The following DCDC1 variants were observed in gnomAD, a reference collection of about 807,000 sequenced individuals.
The protein encoded by DCDC1 is doublecortin domain-containing protein 1.
DCDC1 carries 200 observed loss-of-function variants against 178.3 expected under a neutral mutation model. The observed-to-expected ratio is 1.12, with a 90% CI of 1.00 to 1.26. The LOEUF is 1.26. Among genes scored for constraint, DCDC1 ranks in the 50% most tolerant of loss-of-function variants. DCDC1 has a pLI of 0.00. For synonymous variants in DCDC1, 690 were observed against 604.8 expected, an observed-to-expected ratio of 1.14 and a Z score of -2.07; for missense variants, 1,983 against 1,749.2, an observed-to-expected ratio of 1.13 and a Z score of -2.38.
chr11:31,126,077 C>A (rs1961573672), intron 11 of DCDC1, among the ~76,000 whole-genome samples: 2 of 151,940 alleles, frequency 1.3e-5, no homozygotes, highest in South Asian at 2.1e-4. Context: ...TGAGGGAAAA[C>A]AAAACACTTT....
intron 1 of DCDC1, among the ~76,000 whole-genome samples, chr11:31,352,335 C>A (rs930419243): frequency 6.6e-6 from 1 of 152,018 alleles, no homozygotes; most frequent in South Asian, 2.1e-4. Flanking sequence ...AAAGAGAAAT[C>A]GTTTATTTAT....
chr11:31,184,155 T>C (rs1969186599), intron 9 of DCDC1, among the ~76,000 whole-genome samples: 1 of 152,164 alleles, frequency 6.6e-6, no homozygotes, highest in African/African-American at 2.4e-5. Context: ...CATCTGATCT[T>C]TGACAAGCCT....
chr11:31,157,964 A>G (rs1421349568), intron 9 of DCDC1, among the ~76,000 whole-genome samples: 1 of 152,214 alleles, frequency 6.6e-6, no homozygotes, highest in Admixed American at 6.5e-5. Context: ...ATGTTCTGAA[A>G]TATGTACATA....
At chr11:30,898,071 G>A (rs1944373853) in intron 34 of DCDC1, among the ~76,000 whole-genome samples, 1 of 152,128 alleles carries the variant, frequency 6.6e-6, no homozygotes, top group Admixed American at 6.6e-5. Flanking sequence ...AAAGCGCATG[G>A]TATGTCTGGG....
chr11:30,922,836 A>G (rs775300218), intron 23 of DCDC1, among the ~76,000 whole-genome samples, 198 bp from the exon 24 acceptor site: 3 of 152,230 alleles, frequency 2.0e-5, no homozygotes, highest in Non-Finnish European at 4.4e-5. Context: ...ATGAATTTCA[A>G]GAGTTTTGTA....
intron 1 of DCDC1, among the ~76,000 whole-genome samples, chr11:31,348,937 C>A (rs933762906): frequency 1.3e-5 from 2 of 152,112 alleles, no homozygotes; most frequent in African/African-American, 4.8e-5. Context: ...ATATAGTTTA[C>A]TGTGGAATAG....
At chr11:30,986,365 G>A (rs1391441540) in intron 20 of DCDC1, among the ~76,000 whole-genome samples, 8 of 140,658 alleles carry the variant, frequency 5.7e-5, no homozygotes, top group Non-Finnish European at 1.1e-4. Flanking sequence ...ATGGAGTCTC[G>A]CTCTGTCGCC....
chr11:31,334,082 T>C (rs1950149005), intron 2 of DCDC1, among the ~76,000 whole-genome samples: 2 of 152,202 alleles, frequency 1.3e-5, no homozygotes, highest in Admixed American at 6.5e-5. Context: ...CATTTCTTTT[T>C]ACTCTTTTTT....
chr11:30,934,519 G>C (rs144276010), intron 21 of DCDC1, among the ~76,000 whole-genome samples: 2 of 152,122 alleles, frequency 1.3e-5, no homozygotes, highest in African/African-American at 2.4e-5. Context: ...TCTCCCACAG[G>C]CTTACTGAAT....
chr11:31,211,986 G>A (rs918386301), intron 9 of DCDC1, among the ~76,000 whole-genome samples: 3 of 151,846 alleles, frequency 2.0e-5, no homozygotes, highest in African/African-American at 7.3e-5. Flanking sequence ...GGGAGGCTGA[G>A]GCAAGAGAAT....
At chr11:30,902,988 T>C (rs1474471212) in intron 32 of DCDC1, among the ~76,000 whole-genome samples, 8 of 151,976 alleles carry the variant, frequency 5.3e-5, no homozygotes, top group Admixed American at 3.3e-4. Flanking sequence ...TTCTGGGAGA[T>C]AGTAAAAAGT....
At chr11:31,344,264 T>C (rs1308605127) in intron 1 of DCDC1, among the ~76,000 whole-genome samples, 3 of 152,224 alleles carry the variant, frequency 2.0e-5, no homozygotes, top group African/African-American at 7.2e-5. Flanking sequence ...GATAAAGGCA[T>C]TGACTTATGT....
At chr11:31,192,377 T>A (rs1347562885) in intron 9 of DCDC1, among the ~76,000 whole-genome samples, 1 of 152,094 alleles carries the variant, frequency 6.6e-6, no homozygotes, top group Non-Finnish European at 1.5e-5. Context: ...CCTTTCCAAC[T>A]GTGTGTCCCA....
intron 9 of DCDC1, among the ~76,000 whole-genome samples, chr11:31,206,579 A>AT: frequency 6.6e-6 from 1 of 151,970 alleles, no homozygotes; most frequent in Non-Finnish European, 1.5e-5. Context: ...ACGCCCTGCT[A>AT]TTTTTTTGTA....
rs373698375 is a variant in DCDC1, at chr11:31,274,852, C to A, written c.961-9252G>T. 6.6e-5 allele frequency among the ~76,000 whole-genome samples: 10 copies of A among 152,164 alleles called. No homozygotes were observed. In the East Asian group the frequency reaches 1.4e-3, roughly 21 times the overall value. ...AGTAGCTGGGACTAAAGGCACATGCCACCATGCTAAGCTAATTTTTGTATT... is the reference window on the plus strand; with the variant it reads ...AGTAGCTGGGACTAAAGGCACATGCAACCATGCTAAGCTAATTTTTGTATT... On this transcript the variant is annotated intron_variant, in intron 7 of 38. Transcript: ENST00000684477.
At chr11:31,104,887 A>G (rs1958750631) in intron 13 of DCDC1, among the ~76,000 whole-genome samples, 1 of 152,038 alleles carries the variant, frequency 6.6e-6, no homozygotes, top group South Asian at 2.1e-4. Flanking sequence ...ATTTTTTCAA[A>G]TTTCCTTAGA....
intron 20 of DCDC1, among the ~76,000 whole-genome samples, chr11:31,014,476 T>G (rs946560219): frequency 1.3e-5 from 2 of 152,168 alleles, no homozygotes; most frequent in African/African-American, 4.8e-5. Context: ...TACAGCCTCA[T>G]GGAAAACCCT....
At chr11:31,037,782 T>A (rs1435247597) in intron 20 of DCDC1, among the ~76,000 whole-genome samples, 1 of 152,058 alleles carries the variant, frequency 6.6e-6, no homozygotes, top group Non-Finnish European at 1.5e-5. Context: ...ATTTCTCTTA[T>A]CAAGATTATC....
At chr11:31,012,769 G>C (rs571284864) in intron 20 of DCDC1, among the ~76,000 whole-genome samples, 2 of 151,872 alleles carry the variant, frequency 1.3e-5, no homozygotes, top group Non-Finnish European at 1.5e-5. Context: ...AAAACATGTC[G>C]ACCAAGAAAA....
Sources: allele counts gnomAD v4.1 joint callset (sites outside exome capture counted in the v4.1 genomes callset), GRCh38; gene constraint gnomAD v4.1.1; transcripts MANE v1.5; gene names NCBI Gene and HGNC (gene_info 2026-07-23, HGNC 2026-07-21).